The following MRPL38 variants were observed in gnomAD, a reference collection of about 807,000 sequenced individuals.
MRPL38 encodes the protein large ribosomal subunit protein mL38.
MRPL38 carries 51 observed loss-of-function variants against 52.1 expected under a neutral mutation model. The ratio of observed to expected loss-of-function variants is 0.98; its 90% confidence interval spans 0.78 to 1.24. The LOEUF (loss-of-function observed/expected upper bound fraction) is 1.24. Ranked by LOEUF, MRPL38 falls within the 50% of genes most tolerant of loss-of-function variation. The probability of loss-of-function intolerance (pLI) is 0.00; values close to 1 mark genes in which losing one functional copy is unlikely to be tolerated. For synonymous variants in MRPL38, 245 were observed against 212.7 expected (o/e 1.15, Z -1.32); for missense variants, 527 against 518.6 (o/e 1.02, Z -0.16).
In MRPL38 at chr17:75,901,086, C is replaced by T. The variant is rs2065402021; in HGVS notation, c.665-59G>A. 6.3e-6 allele frequency: 10 copies of T among 1,597,104 alleles called. No homozygotes were observed. Among genetic ancestry groups the T allele is most frequent in the Non-Finnish European group, 8.5e-6 (10 of 1,172,942 alleles). On this transcript the variant is annotated intron_variant, in intron 5 of 8. Coordinates refer to ENST00000309352, the MANE Select transcript of MRPL38 (RefSeq NM_032478.4). The surrounding 1 kb of genome is among the most constrained non-coding windows in gnomAD (Gnocchi z 5.7). ...GCCGACCACGGCCCTGCCACCCCCT[C>T]CCTTGTTAGGAGCCAGCGCTGGAGA... is the stretch of plus-strand genomic sequence containing the variant.
At position 75,901,312 on chromosome 17, in the gene MRPL38, A is replaced by G. The variant is rs766682468; in HGVS notation, c.592-39T>C. The G allele has an allele frequency of 2.5e-6, 4 of 1,600,750 alleles. No homozygotes were observed. In the South Asian group the frequency reaches 4.5e-5, roughly 18 times the overall value. Reference sequence around the variant, plus strand: ...AAGGAAGCTGTCAGCCCCACCAGGGACAGGCCAGCTGTTGCAGGGAGCCTT... The same window carrying G: ...AAGGAAGCTGTCAGCCCCACCAGGGGCAGGCCAGCTGTTGCAGGGAGCCTT... On this transcript the variant is annotated intron_variant, in intron 4 of 8. Coordinates refer to ENST00000309352, the MANE Select transcript of MRPL38 (RefSeq NM_032478.4). This position sits in a 1 kb window ranked among gnomAD's most constrained non-coding sequence, Gnocchi z 5.7.
Position 75,899,631 on chromosome 17 carries a change from A to G in MRPL38, c.754T>C (p.Cys252Arg), listed in dbSNP as rs758130664. 18 of 1,599,590 alleles carry G rather than the reference A, an allele frequency of 1.1e-5. No homozygotes were observed. Among genetic ancestry groups the G allele is most frequent in the Non-Finnish European group, 1.4e-5 (16 of 1,172,220 alleles). The change falls in exon 7 of 9, where the codon TGT (cysteine) becomes CGT (arginine). Residue 252 changes from cysteine to arginine, a missense_variant. Cys to Arg is a radical substitution (Grantham distance 180). Transcript: ENST00000309352. ...GNRVAEGQVT[C>R]PYLPPFPARG... ...GCAGGGAAGGGGGGGAGGTAGGGACACGTCACCTGTCCTTCAGCCACCCGG... is the reference window on the plus strand; with the variant it reads ...GCAGGGAAGGGGGGGAGGTAGGGACGCGTCACCTGTCCTTCAGCCACCCGG...
At chr17:75,904,496 T>G in intron 2 of MRPL38, 44 bp downstream of exon 2, 1 of 1,472,076 alleles carries the variant, frequency 6.8e-7, no homozygotes, top group Non-Finnish European at 9.0e-7. Flanking sequence ...GGGTCCCGAG[T>G]TCCCCGGGCG....
rs553582096 is a variant in MRPL38 at position 75,900,290 on chromosome 17, C to CA, written c.711-617dup. ...AGTCTGGGCCCAGGGAAGGAGCGCC[C>CA]AGTGGTTCAAGGAGCACCTGGGGGA... is the stretch of plus-strand genomic sequence containing the variant. On this transcript the variant is annotated intron_variant, in intron 6 of 8. Coordinates refer to ENST00000309352, the MANE Select transcript of MRPL38 (RefSeq NM_032478.4). 322 of 152,472 alleles carry CA rather than the reference C, an allele frequency of 2.1e-3. 1 individual carries two copies. The highest frequency in any genetic ancestry group is 3.5e-3 in the Non-Finnish European group (236 of 68,136). 9.4% of individuals were successfully genotyped at this position (152,472 alleles called of 1,614,324 possible).
Position 75,902,156 on chromosome 17 carries a change from T to C in MRPL38, c.248-2A>G. On this transcript the variant is annotated splice_acceptor_variant, in intron 2 of 8. Transcript: ENST00000309352. LOFTEE classifies it high-confidence loss of function. ...CAATATCAATCTTCTCTTTGGGATC[T>C]GGAGTGGGAAGATGTGTGGGAAAAA... 1 of 1,555,306 alleles carries C rather than the reference T, an allele frequency of 6.4e-7. No individual in the cohort carries two copies. The highest frequency in any genetic ancestry group is 8.7e-7 in the Non-Finnish European group (1 of 1,149,128).
rs372490950 is a variant in MRPL38 at position 75,901,962 on chromosome 17, G to T, written c.383-42C>A. 6.2e-7 allele frequency: 1 copy of T among 1,607,390 alleles called. No individual in the cohort carries two copies. Among genetic ancestry groups the T allele is most frequent in the Non-Finnish European group, 8.5e-7 (1 of 1,175,412 alleles). On this transcript the variant is annotated intron_variant, in intron 3 of 8. Coordinates refer to ENST00000309352, the MANE Select transcript of MRPL38 (RefSeq NM_032478.4). This position sits in a 1 kb window ranked among gnomAD's most constrained non-coding sequence, Gnocchi z 5.7. ...CCAGTTGGGATACGGGGGTGGGGGGGGCAGGGACACACCCTGTACCCCAAC... is the reference window on the plus strand; with the variant it reads ...CCAGTTGGGATACGGGGGTGGGGGGTGCAGGGACACACCCTGTACCCCAAC...
chr17:75,898,725 G>C lies in MRPL38; in HGVS notation c.*125C>G, dbSNP rs771038574. 9 of 1,167,728 alleles carry C rather than the reference G, an allele frequency of 7.7e-6. No homozygotes were observed. Among genetic ancestry groups the C allele is most frequent in the Non-Finnish European group, 2.4e-6 (2 of 822,732 alleles). 72.3% of individuals were successfully genotyped at this position (1,167,728 alleles called of 1,614,324 possible). ...TCACTCCAAGCCCTGGGCCTGACGG[G>C]AGGGGGCCAAAGAGGGGGGCTGCCT... On this transcript the variant is annotated 3_prime_UTR_variant, in exon 9 of 9. Coordinates refer to ENST00000309352, the MANE Select transcript of MRPL38 (RefSeq NM_032478.4).
intron 2 of MRPL38, among the ~76,000 whole-genome samples, chr17:75,902,601 T>C (rs1567853454): frequency 6.6e-6 from 1 of 152,202 alleles, no homozygotes; most frequent in Non-Finnish European, 1.5e-5. Context: ...AGTCCTCTCA[T>C]TCTGTGCTTC....
intron 6 of MRPL38, chr17:75,900,185 C>T (rs1411680642): frequency 6.6e-6 from 1 of 152,386 alleles, no homozygotes; most frequent in African/African-American, 2.4e-5. Context: ...CCAGAAGGCT[C>T]AAAGTTGGGG....
At chr17:75,899,431 C>A (rs2065393661) in intron 7 of MRPL38, 85 bp downstream of exon 7, 6 of 1,512,716 alleles carry the variant, frequency 4.0e-6, no homozygotes, top group Non-Finnish European at 5.3e-6. Context: ...AGTCTCAAGG[C>A]TGAGGTCAAG....
At chr17:75,904,770 G>GGGGGGGGGCCCCCC in intron 1 of MRPL38, 39 bp downstream of exon 1, 3 of 500,008 alleles carry the variant, frequency 6.0e-6, no homozygotes, top group Admixed American at 9.6e-5. Context: ...TCGGGCGACA[G>GGGGGGGGGCCCCCC]CCCCCCCCCC....
Position 75,898,726 on chromosome 17 carries a change from AG to A in MRPL38, c.*123del. The A allele has an allele frequency of 8.6e-7, 1 of 1,166,196 alleles. No individual in the cohort carries two copies. The highest frequency in any genetic ancestry group is 1.2e-6 in the Non-Finnish European group (1 of 821,372). The allele number at this position is 1,166,196 out of a possible 1,614,324, so 72.2% of individuals were successfully genotyped here. On this transcript the variant is annotated 3_prime_UTR_variant, in exon 9 of 9. Coordinates refer to ENST00000309352, the MANE Select transcript of MRPL38 (RefSeq NM_032478.4). ...CACTCCAAGCCCTGGGCCTGACGGG[AG>A]GGGGCCAAAGAGGGGGGCTGCCTAA...
In MRPL38 at chr17:75,901,206, C is replaced by G; in HGVS notation, c.659G>C (p.Ser220Thr). ...GGTGAGCCCCAGACACCCACCCAAG[C>G]TAGTGAGTAGCAACGTCCACAAGGA... The part of the protein sequence containing the change: ...EGSLWTLLLT[S>T]LDGHLLEPDA... Residue 220 changes from serine (S) to threonine (T), a missense_variant, in exon 5 of 9, where the codon AGC becomes ACC. By Grantham distance (58) the Ser-to-Thr change is moderately conservative (BLOSUM62 1). Transcript: ENST00000309352. The surrounding 1 kb of genome is among the most constrained non-coding windows in gnomAD (Gnocchi z 5.7). 6.2e-7 allele frequency: 1 copy of G among 1,613,586 alleles called. No individual in the cohort carries two copies. The highest frequency in any genetic ancestry group is 1.1e-5 in the South Asian group (1 of 91,000).
In MRPL38 at chr17:75,898,839, A is replaced by C. The variant is rs767431148; in HGVS notation, c.*11T>G. ...CAATCCCATGCTCTGAAATGCGCAC[A>C]CTCTGGCTCCTTAGTAGATGCCATA... On this transcript the variant is annotated 3_prime_UTR_variant, in exon 9 of 9. Coordinates refer to ENST00000309352, the MANE Select transcript of MRPL38 (RefSeq NM_032478.4). 4 of 1,610,438 alleles carry C rather than the reference A, an allele frequency of 2.5e-6. No homozygotes were observed. The highest frequency in any genetic ancestry group is 4.5e-5 in the East Asian group (2 of 44,740).
Position 75,901,827 on chromosome 17 carries a change from C to T in MRPL38, c.476G>A (p.Arg159Gln), listed in dbSNP as rs367882960. 4.3e-6 allele frequency: 7 copies of T among 1,613,344 alleles called. No homozygotes were observed. Among genetic ancestry groups the T allele is most frequent in the Non-Finnish European group, 5.9e-6 (7 of 1,179,872 alleles). The change falls in exon 4 of 9, where the codon CGA (arginine) becomes CAA (glutamine). Residue 159 changes from arginine (R) to glutamine (Q), a missense_variant. Arg to Gln is a conservative substitution (Grantham distance 43, BLOSUM62 1). Coordinates refer to ENST00000309352, the MANE Select transcript of MRPL38 (RefSeq NM_032478.4). This position sits in a 1 kb window ranked among gnomAD's most constrained non-coding sequence, Gnocchi z 5.7. Reference protein sequence around the residue: ...QRLAEYYGLYRDLFHGATFVP... With the variant: ...QRLAEYYGLYQDLFHGATFVP... ...AAAGGTGGCACCGTGGAACAGGTCT[C>T]GGTAGAGGCCGTAATACTCAGCCAG...
In MRPL38 at chr17:75,899,294, G is replaced by A; in HGVS notation, c.870C>T (p.Cys290=). 6.2e-7 allele frequency: 1 copy of A among 1,612,396 alleles called. No individual in the cohort carries two copies. The highest frequency in any genetic ancestry group is 1.1e-5 in the South Asian group (1 of 90,842). ...GGAAGGTCCGCTGGGCCAGCTGATAGCTATGAGAAGATAGAGAGCGTATGA... is the reference window on the plus strand; with the variant it reads ...GGAAGGTCCGCTGGGCCAGCTGATAACTATGAGAAGATAGAGAGCGTATGA... ...DFSEDARPSP[C]YQLAQRTFRT... Residue 290 remains cysteine (C), a splice_region_variant and synonymous_variant, in exon 8 of 9, where the codon TGC becomes TGT. Coordinates refer to ENST00000309352, the MANE Select transcript of MRPL38 (RefSeq NM_032478.4).
Position 75,901,552 on chromosome 17 carries a change from T to C in MRPL38, c.591+160A>G. On this transcript the variant is annotated intron_variant, in intron 4 of 8. Coordinates refer to ENST00000309352, the MANE Select transcript of MRPL38 (RefSeq NM_032478.4). This position sits in a 1 kb window ranked among gnomAD's most constrained non-coding sequence, Gnocchi z 5.7. ...TAAGACAGAGCCTCTTTTTCCTTCA[T>C]TTTGTTCTATTTTCTTTGAAATTGT... 4 of 704,734 alleles carry C rather than the reference T, an allele frequency of 5.7e-6. 1 individual carries two copies. The highest frequency in any genetic ancestry group is 7.9e-4 in the Middle Eastern group (2 of 2,534). 43.7% of individuals were successfully genotyped at this position (704,734 alleles called of 1,614,324 possible).
chr17:75,899,540 G>A lies in MRPL38; in HGVS notation c.845C>T (p.Ser282Phe), dbSNP rs150890281. The change falls in exon 7 of 9, where the codon TCT (serine) becomes TTT (phenylalanine). Residue 282 changes from serine (S) to phenylalanine (F), a missense_variant. Coordinates refer to ENST00000309352, the MANE Select transcript of MRPL38 (RefSeq NM_032478.4). ...LFKQDQPIDF[S>F]EDARPSPCYQ... ...CCAGGGTGAGGGGCGTGCGTCCTCA[G>A]AGAAGTCAATCGGCTGGTCCTGCTT... 2.5e-6 allele frequency: 4 copies of A among 1,600,682 alleles called. No individual in the cohort carries two copies. The South Asian group carries it at 3.3e-5, about 13-fold the overall frequency.
rs540431508 is a variant in MRPL38 at position 75,901,453 on chromosome 17, C to A, written c.592-180G>T. On this transcript the variant is annotated intron_variant, in intron 4 of 8. Coordinates refer to ENST00000309352, the MANE Select transcript of MRPL38 (RefSeq NM_032478.4). This position sits in a 1 kb window ranked among gnomAD's most constrained non-coding sequence, Gnocchi z 5.7. ...CAGAGTTGCCTGTCCAGGCAACAACCACAAAAACGAACATGTGCCAAGGCC... is the reference window on the plus strand; with the variant it reads ...CAGAGTTGCCTGTCCAGGCAACAACAACAAAAACGAACATGTGCCAAGGCC... 1.9e-5 allele frequency: 13 copies of A among 701,582 alleles called. No homozygotes were observed. The Admixed American group carries it at 2.0e-4, about 11-fold the overall frequency. The allele number at this position is 701,582 out of a possible 1,614,324, so 43.5% of individuals were successfully genotyped here. A position where few individuals can be genotyped will look rare whatever the true frequency, so the allele number is the denominator to read the frequency against.
Sources: gnomAD v4.1 joint callset for allele counts (sites outside exome capture counted in the v4.1 genomes callset) on GRCh38, gnomAD v4.1.1 for gene constraint, Gnocchi (gnomAD v3.1) non-coding constraint, MANE v1.5 for transcripts, NCBI Gene and HGNC (gene_info 2026-07-23, HGNC 2026-07-21) for gene names.